RWDD4: variants seen among roughly 807,000 people sequenced by gnomAD.
The protein encoded by RWDD4 is RWD domain-containing protein 4.
In RWDD4, 16 loss-of-function variants were observed where a neutral mutation model predicts 30.0. That is an observed-to-expected ratio of 0.53 (90% CI 0.36 to 0.81). RWDD4 has a LOEUF of 0.81. Ranked by LOEUF, RWDD4 falls within the 30% of genes least tolerant of loss-of-function variation. RWDD4 has a pLI of 0.00. For synonymous variants in RWDD4, 45 were observed against 72.1 expected (o/e 0.62, Z 1.90); for missense variants, 170 against 223.9 (o/e 0.76, Z 1.54).
intron 7 of RWDD4, among the ~76,000 whole-genome samples, chr4:183,643,446 A>AAAAAAAAAAC (rs1733908521): frequency 7.5e-6 from 1 of 132,954 alleles, no homozygotes; most frequent in Non-Finnish European, 1.6e-5. Context: ...AAAAAAAAAA[A>AAAAAAAAAAC]AGCATTTAAG....
chr4:183,649,349 G>A, intron 5 of RWDD4, 102 bp downstream of exon 5: 1 of 696,182 alleles, frequency 1.4e-6, no homozygotes, highest in South Asian at 1.7e-5. Flanking sequence ...GGGAGGTGGA[G>A]GCTGCAGTGA....
rs775162221 is a variant in RWDD4, at chr4:183,649,451, C to T, written c.481G>A (p.Asp161Asn). 6.3e-7 allele frequency: 1 copy of T among 1,579,822 alleles called. No homozygotes were observed. The change falls in exon 5 of 8, where the codon GAT (aspartate) becomes AAT (asparagine). Residue 161 changes from aspartate to asparagine, a missense_variant and splice_region_variant. Asp to Asn is a conservative substitution (Grantham distance 23, BLOSUM62 1). Transcript: ENST00000326397. ...GAAAAGAAAAGAAACACACACAAACCTGTTTTGTCTGCCAGCTTACGCTTC... is the reference window on the plus strand; with the variant it reads ...GAAAAGAAAAGAAACACACACAAACTTGTTTTGTCTGCCAGCTTACGCTTC... Reference protein sequence around the residue: ...AQKRKLADKTDHKGELPRGWN... With the variant: ...AQKRKLADKTNHKGELPRGWN...
At chr4:183,646,649 A>T in intron 5 of RWDD4, 112 bp from the exon 6 acceptor site, 1 of 878,078 alleles carries the variant, frequency 1.1e-6, no homozygotes, top group Non-Finnish European at 1.7e-6. Flanking sequence ...TTTAAATGAC[A>T]TATTACTAAG....
chr4:183,650,875 T>C, intron 4 of RWDD4, 109 bp downstream of exon 4: 1 of 1,108,390 alleles, frequency 9.0e-7, no homozygotes. Context: ...ACTCTCACTT[T>C]AACAAGTCTT....
chr4:183,642,949 C>T (rs1224278717), intron 7 of RWDD4, among the ~76,000 whole-genome samples: 1 of 151,004 alleles, frequency 6.6e-6, no homozygotes, highest in Non-Finnish European at 1.5e-5. Context: ...GTCCCAGCTA[C>T]TTGGGAGGCT....
At chr4:183,642,185 A>T (rs1466087392) in intron 7 of RWDD4, among the ~76,000 whole-genome samples, 30 of 97,126 alleles carry the variant, frequency 3.1e-4, no homozygotes, top group Non-Finnish European at 5.1e-4. Flanking sequence ...CATTCTTAAA[A>T]TTTTTTTTTT....
Position 183,659,009 on chromosome 4 carries a change from G to A in RWDD4, c.-57C>T, listed in dbSNP as rs1414461944. 8 of 1,231,216 alleles carry A rather than the reference G, an allele frequency of 6.5e-6. No individual in the cohort carries two copies. Among genetic ancestry groups the A allele is most frequent in the Non-Finnish European group, 8.2e-6 (8 of 979,468 alleles). The allele number at this position is 1,231,216 out of a possible 1,614,324, so 76.3% of individuals were successfully genotyped here. A position where few individuals can be genotyped will look rare whatever the true frequency, so the allele number is the denominator to read the frequency against. On this transcript the variant is annotated 5_prime_UTR_variant, in exon 1 of 8. Coordinates refer to ENST00000326397, the MANE Select transcript of RWDD4 (RefSeq NM_152682.4). Reference sequence around the variant, plus strand: ...CGGCGTTCGCAACAACGAAGAGAAAGCGAAGGCAGCGGCCCAGAGGCCGGG... The same window carrying A: ...CGGCGTTCGCAACAACGAAGAGAAAACGAAGGCAGCGGCCCAGAGGCCGGG...
At chr4:183,652,999 T>C (rs559282425) in intron 2 of RWDD4, among the ~76,000 whole-genome samples, 20 of 152,216 alleles carry the variant, frequency 1.3e-4, no homozygotes, top group African/African-American at 4.6e-4. Context: ...GCTGGGATTA[T>C]AGATAGGCAT....
At chr4:183,658,808 C>G in intron 1 of RWDD4, 121 bp downstream of exon 1, 1 of 926,258 alleles carries the variant, frequency 1.1e-6, no homozygotes. Flanking sequence ...CGGGGCACCC[C>G]GGCCGGCTCC....
At chr4:183,651,667 A>G (rs1452260263) in intron 2 of RWDD4, among the ~76,000 whole-genome samples, 1 of 152,204 alleles carries the variant, frequency 6.6e-6, no homozygotes, top group Non-Finnish European at 1.5e-5. Flanking sequence ...TCCGTGGGAT[A>G]CAGAAAGAGA....
intron 1 of RWDD4, among the ~76,000 whole-genome samples, chr4:183,657,243 A>G (rs921436587): frequency 1.3e-5 from 2 of 152,238 alleles, no homozygotes; most frequent in Non-Finnish European, 2.9e-5. Context: ...CTACCTTTAC[A>G]GAAAAAACAA....
intron 7 of RWDD4, among the ~76,000 whole-genome samples, chr4:183,645,944 C>T (rs1441349125): frequency 2.6e-5 from 4 of 152,096 alleles, no homozygotes; most frequent in African/African-American, 9.6e-5. Context: ...ACTCTGTCGC[C>T]CAGGCTGGAG....
chr4:183,649,131 C>T lies in RWDD4; in HGVS notation c.481+320G>A, dbSNP rs562969559. ...ATCTGGGTTATAAAAGAAAAAAAAA[C>T]GGCTGGGCGTGGTGGCTCACGCCTG... On this transcript the variant is annotated intron_variant, in intron 5 of 7. Coordinates refer to ENST00000326397, the MANE Select transcript of RWDD4 (RefSeq NM_152682.4). Among the ~76,000 whole-genome samples, 10 of 151,826 alleles carry T rather than the reference C, an allele frequency of 6.6e-5. 1 individual carries two copies. Among genetic ancestry groups the T allele is most frequent in the Admixed American group, 3.3e-4 (5 of 15,252 alleles).
At chr4:183,644,078 C>T (rs1276252345) in intron 7 of RWDD4, among the ~76,000 whole-genome samples, 1 of 150,724 alleles carries the variant, frequency 6.6e-6, no homozygotes, top group African/African-American at 2.4e-5. Context: ...GCACTATCAA[C>T]ACCTTTAGAT....
intron 7 of RWDD4, among the ~76,000 whole-genome samples, chr4:183,644,779 AAAAAAAAAAG>A (rs1733934579): frequency 6.9e-6 from 1 of 144,854 alleles, no homozygotes; most frequent in Admixed American, 6.8e-5. Context: ...CTCGGCTTCA[AAAAAAAAAAG>A]AAAAGAAAAG....
chr4:183,651,440 G>T, intron 2 of RWDD4, 113 bp from the exon 3 acceptor site: 1 of 819,734 alleles, frequency 1.2e-6, no homozygotes. Flanking sequence ...GATCAGAAAT[G>T]TAATATTTTG....
intron 7 of RWDD4, among the ~76,000 whole-genome samples, chr4:183,645,431 T>C (rs1288113265): frequency 1.3e-5 from 2 of 152,208 alleles, no homozygotes; most frequent in Middle Eastern, 3.4e-3. Context: ...GCATTGTTCT[T>C]GGTATGATGA....
intron 1 of RWDD4, 190 bp from the exon 2 acceptor site, chr4:183,656,151 A>T: frequency 2.0e-6 from 1 of 511,840 alleles, no homozygotes; most frequent in Admixed American, 3.2e-5. Context: ...TTACTTTCAA[A>T]CTCTGTGTCA....
intron 4 of RWDD4, 149 bp from the exon 5 acceptor site, chr4:183,649,717 C>A: frequency 2.1e-6 from 1 of 473,966 alleles, no homozygotes; most frequent in Non-Finnish European, 3.7e-6. Context: ...AAATCAAGTG[C>A]CCTTAACACA....
Sources: allele counts gnomAD v4.1 joint callset (sites outside exome capture counted in the v4.1 genomes callset), GRCh38; gene constraint gnomAD v4.1.1; transcripts MANE v1.5; gene names NCBI Gene and HGNC (gene_info 2026-07-23, HGNC 2026-07-21).